GREB1L: variants seen among roughly 807,000 people sequenced by gnomAD.
GREB1L encodes the protein GREB1-like protein.
A neutral mutation model predicts 200.8 loss-of-function variants in GREB1L; 17 were observed. The ratio of observed to expected loss-of-function variants is 0.08; its 90% CI spans 0.06 to 0.13. The LOEUF is 0.13. Among genes scored for constraint, GREB1L ranks in the 10% least tolerant of loss-of-function variants. GREB1L has a pLI of 1.00. For missense variants in GREB1L, 1,657 were observed against 2,367.7 expected (o/e 0.70, Z 6.23); for synonymous variants, 789 against 893.0 (o/e 0.88, Z 2.08).
intron 1 of GREB1L, among the ~76,000 whole-genome samples, chr18:21,281,679 AT>A (rs2038272349): frequency 6.6e-6 from 1 of 152,162 alleles, no homozygotes; most frequent in African/African-American, 2.4e-5. Context: ...ACATAACATG[AT>A]TTATTTTCAT....
intron 11 of GREB1L, among the ~76,000 whole-genome samples, chr18:21,446,871 T>G (rs2034251268): frequency 6.6e-6 from 1 of 152,218 alleles, no homozygotes. Flanking sequence ...ACAGTCACTT[T>G]TAAAAAATCT....
At position 21,469,288 on chromosome 18, in the gene GREB1L, A is replaced by G. The variant is rs556582180; in HGVS notation, c.2183-3743A>G. 3.3e-5 allele frequency among the ~76,000 whole-genome samples: 5 copies of G among 152,338 alleles called. No homozygotes were observed. In the South Asian group the frequency reaches 8.3e-4, roughly 25 times the overall value. On this transcript the variant is annotated intron_variant, in intron 15 of 32. Coordinates refer to ENST00000424526, the MANE Select transcript of GREB1L (RefSeq NM_001142966.3). ...CTCATTTATGTATGTATTTATAAAT[A>G]CAGGTCATTTTTATTTTATTCTATG...
chr18:21,256,129 G>T (rs2037795103), intron 1 of GREB1L, among the ~76,000 whole-genome samples: 1 of 152,116 alleles, frequency 6.6e-6, no homozygotes, highest in South Asian at 2.1e-4. Flanking sequence ...ATTTTAAAGT[G>T]CCCTGATCTT....
intron 1 of GREB1L, among the ~76,000 whole-genome samples, chr18:21,274,059 A>G (rs144484697): frequency 1.6e-3 from 249 of 152,340 alleles, no homozygotes; most frequent in African/African-American, 5.7e-3. Flanking sequence ...TGGCTTATCA[A>G]CAACAAATAT....
chr18:21,247,104 C>T (rs2037616664), intron 1 of GREB1L, among the ~76,000 whole-genome samples: 1 of 152,110 alleles, frequency 6.6e-6, no homozygotes, highest in Admixed American at 6.5e-5. Context: ...CCCAGGAGGG[C>T]TCCCTATTGT....
At chr18:21,414,009 A>G (rs1262444175) in intron 7 of GREB1L, among the ~76,000 whole-genome samples, 1 of 152,232 alleles carries the variant, frequency 6.6e-6, no homozygotes, top group African/African-American at 2.4e-5. Flanking sequence ...CAGTTTGGCA[A>G]TATGTAACAA....
At chr18:21,320,535 G>C (rs779014309) in intron 1 of GREB1L, among the ~76,000 whole-genome samples, 14 of 152,060 alleles carry the variant, frequency 9.2e-5, no homozygotes, top group Non-Finnish European at 1.8e-4. Flanking sequence ...AGGCCGAGAT[G>C]GGTGGATCAC....
chr18:21,384,868 C>T (rs1281066013), intron 4 of GREB1L, among the ~76,000 whole-genome samples: 6 of 138,438 alleles, frequency 4.3e-5, no homozygotes, highest in East Asian at 2.3e-4. Context: ...AACACTCATC[C>T]GATATAGAGG....
chr18:21,245,629 A>G (rs1452403589), intron 1 of GREB1L, among the ~76,000 whole-genome samples: 1 of 152,178 alleles, frequency 6.6e-6, no homozygotes, highest in African/African-American at 2.4e-5. Context: ...TATGCAATGG[A>G]TGTTCATTAT....
Position 21,278,392 on chromosome 18 carries a change from A to T in GREB1L, c.-120+35999A>T, listed in dbSNP as rs1308602373. On this transcript the variant is annotated intron_variant, in intron 1 of 32. Transcript: ENST00000424526. ...CAAGACTCCATCTCAAAAAAAAAAA[A>T]TAAATAAATAAATAAATAAATAAAT... Among the ~76,000 whole-genome samples the T allele has an allele frequency of 1.3e-4, 15 of 112,670 alleles. No individual in the cohort carries two copies. In the South Asian group the frequency reaches 2.8e-3, roughly 21 times the overall value. 73.9% of individuals were successfully genotyped at this position (112,670 alleles called of 152,430 possible). A position where few individuals can be genotyped will look rare whatever the true frequency, so the allele number is the denominator to read the frequency against.
chr18:21,267,189 CTTTTT>C (rs751150056), intron 1 of GREB1L, among the ~76,000 whole-genome samples: 2 of 108,718 alleles, frequency 1.8e-5, no homozygotes, highest in African/African-American at 3.5e-5. Context: ...GCCTCGGCCG[CTTTTT>C]TTTTTTTTTT....
chr18:21,307,685 A>G (rs2038723592), intron 1 of GREB1L, among the ~76,000 whole-genome samples: 1 of 151,920 alleles, frequency 6.6e-6, no homozygotes, highest in Non-Finnish European at 1.5e-5. Context: ...GTCTGTGAGG[A>G]CCACAGTGAG....
At chr18:21,246,722 C>CTAA (rs1343033809) in intron 1 of GREB1L, among the ~76,000 whole-genome samples, 1 of 152,040 alleles carries the variant, frequency 6.6e-6, no homozygotes, top group African/African-American at 2.4e-5. Flanking sequence ...TATTTATTAG[C>CTAA]TATTATTATT....
At chr18:21,242,925 T>C (rs1452989184) in intron 1 of GREB1L, among the ~76,000 whole-genome samples, 1 of 152,026 alleles carries the variant, frequency 6.6e-6, no homozygotes, top group African/African-American at 2.4e-5. Context: ...GAGTTCAGCC[T>C]GGGAAAGTTG....
At chr18:21,278,397 T>TA (rs1347587699) in intron 1 of GREB1L, among the ~76,000 whole-genome samples, 2,092 of 116,604 alleles carry the variant, frequency 0.018, 68 homozygotes, top group African/African-American at 0.072. Flanking sequence ...AAAAAATAAA[T>TA]AAATAAATAA....
intron 4 of GREB1L, among the ~76,000 whole-genome samples, chr18:21,392,173 G>A (rs1347270327): frequency 1.3e-5 from 2 of 152,312 alleles, no homozygotes; most frequent in South Asian, 2.1e-4. Flanking sequence ...ATTATCTACA[G>A]GGTTAGTACC....
chr18:21,495,714 C>A lies in GREB1L; in HGVS notation c.3075C>A (p.Tyr1025Ter). 6.5e-7 allele frequency: 1 copy of A among 1,547,154 alleles called. No individual in the cohort carries two copies. The highest frequency in any genetic ancestry group is 8.7e-7 in the Non-Finnish European group (1 of 1,143,728). Residue 1025 changes from tyrosine to a stop codon, truncating the protein, a stop_gained, in exon 20 of 33, where the codon TAC becomes TAA. Coordinates refer to ENST00000424526, the MANE Select transcript of GREB1L (RefSeq NM_001142966.3). LOFTEE classifies it high-confidence loss of function. ...CAGAAGAGTGGATCCCTCGGACATA[C>A]CAAGATTTAGACGGTCTACCTTGTA... ...NEPEEWIPRT[Y>*]QDLDGLPCIV...
chr18:21,292,023 C>T (rs903681050), intron 1 of GREB1L, among the ~76,000 whole-genome samples: 1 of 152,122 alleles, frequency 6.6e-6, no homozygotes, highest in Admixed American at 6.5e-5. Context: ...AAGTATAGAA[C>T]AACATTTGAA....
chr18:21,465,178 A>G (rs2035218371), intron 15 of GREB1L, among the ~76,000 whole-genome samples: 1 of 152,182 alleles, frequency 6.6e-6, no homozygotes, highest in South Asian at 2.1e-4. Flanking sequence ...TATAATTACC[A>G]TGTTGTACAA....
Sources: gnomAD v4.1 joint callset for allele counts (sites outside exome capture counted in the v4.1 genomes callset) on GRCh38, gnomAD v4.1.1 for gene constraint, MANE v1.5 for transcripts, NCBI Gene and HGNC (gene_info 2026-07-23, HGNC 2026-07-21) for gene names.